NCKAP5: variants seen among roughly 807,000 people sequenced by gnomAD.
NCKAP5 encodes NCK associated protein 5, also known as nck-associated protein 5.
A neutral mutation model predicts 167.0 loss-of-function variants in NCKAP5; 92 were observed. The ratio of observed to expected loss-of-function variants is 0.55; its 90% CI spans 0.47 to 0.66. NCKAP5 has a LOEUF of 0.66. Ranked by LOEUF, NCKAP5 falls within the 30% of genes least tolerant of loss-of-function variation. NCKAP5 has a pLI of 0.00. For synonymous variants in NCKAP5, 891 were observed against 877.4 expected, an observed-to-expected ratio of 1.02 and a Z score of -0.27; for missense variants, 2,378 against 2,315.0, an observed-to-expected ratio of 1.03 and a Z score of -0.56.
chr2:133,019,867 C>T (rs768526618), intron 6 of NCKAP5, among the ~76,000 whole-genome samples: 1 of 152,222 alleles, frequency 6.6e-6, no homozygotes, highest in Non-Finnish European at 1.5e-5. Flanking sequence ...CTGGTTTACC[C>T]TTCCTTAGTG....
At chr2:132,941,036 A>C (rs1464831188) in intron 8 of NCKAP5, among the ~76,000 whole-genome samples, 1 of 152,210 alleles carries the variant, frequency 6.6e-6, no homozygotes, top group Non-Finnish European at 1.5e-5. Context: ...AAGAAAACTA[A>C]AAGTCAAGTT....
intron 16 of NCKAP5, among the ~76,000 whole-genome samples, chr2:132,759,107 G>T (rs1381338311): frequency 6.6e-6 from 1 of 151,258 alleles, no homozygotes; most frequent in Non-Finnish European, 1.5e-5. Context: ...TAAGTGTTCT[G>T]CTACAATTGG....
chr2:132,852,324 T>C (rs1689140211), intron 11 of NCKAP5, among the ~76,000 whole-genome samples: 1 of 152,226 alleles, frequency 6.6e-6, no homozygotes, highest in Non-Finnish European at 1.5e-5. Context: ...AATCACTTAG[T>C]CTACTGCAAT....
intron 6 of NCKAP5, among the ~76,000 whole-genome samples, chr2:133,110,282 G>T (rs759535068): frequency 2.6e-5 from 4 of 152,284 alleles, no homozygotes; most frequent in Admixed American, 6.5e-5. Flanking sequence ...TTGCTTTAAA[G>T]AACTGATCCT....
chr2:133,014,439 C>T (rs1179601683), intron 6 of NCKAP5, among the ~76,000 whole-genome samples: 1 of 152,204 alleles, frequency 6.6e-6, no homozygotes, highest in Non-Finnish European at 1.5e-5. Context: ...TGGATTCCTG[C>T]TGCATTTTAA....
chr2:133,092,695 C>A (rs1296765901), intron 6 of NCKAP5, among the ~76,000 whole-genome samples: 3 of 152,144 alleles, frequency 2.0e-5, no homozygotes, highest in African/African-American at 7.2e-5. Flanking sequence ...TATCTACTGT[C>A]CTTCATTACA....
At chr2:133,454,462 T>A (rs1448821256) in intron 3 of NCKAP5, among the ~76,000 whole-genome samples, 1 of 152,094 alleles carries the variant, frequency 6.6e-6, no homozygotes, top group Non-Finnish European at 1.5e-5. Context: ...TCATATCAAA[T>A]CATGTAATAT....
At chr2:132,829,731 G>A (rs76882035) in intron 11 of NCKAP5, among the ~76,000 whole-genome samples, 11,035 of 152,192 alleles carry the variant, frequency 0.073, 550 homozygotes, top group African/African-American at 0.14. Flanking sequence ...TGAATCAGGA[G>A]GTGTAGGGTG....
intron 3 of NCKAP5, among the ~76,000 whole-genome samples, chr2:133,357,188 T>C (rs963210404): frequency 1.2e-4 from 18 of 151,978 alleles, no homozygotes; most frequent in Non-Finnish European, 1.9e-4. Flanking sequence ...AATTAATGCA[T>C]GCTTGCCCGA....
intron 4 of NCKAP5, among the ~76,000 whole-genome samples, chr2:133,274,919 A>G (rs531856377): frequency 4.9e-4 from 74 of 152,142 alleles, no homozygotes; most frequent in African/African-American, 1.8e-3. Flanking sequence ...GCGGGGAAGT[A>G]TAATGAAGCA....
At chr2:133,333,857 G>A (rs554478410) in intron 3 of NCKAP5, 1 of 152,278 alleles carries the variant, frequency 6.6e-6, no homozygotes, top group African/African-American at 2.4e-5. Context: ...AGTACAAACT[G>A]GAATGCTACA....
intron 3 of NCKAP5, among the ~76,000 whole-genome samples, chr2:133,512,934 A>G (rs1683625184): frequency 6.6e-6 from 1 of 152,054 alleles, no homozygotes; most frequent in African/African-American, 2.4e-5. Flanking sequence ...CTCAGCATCT[A>G]CTACTGTCAG....
At chr2:133,336,121 C>A (rs528250861) in intron 3 of NCKAP5, among the ~76,000 whole-genome samples, 1 of 152,042 alleles carries the variant, frequency 6.6e-6, no homozygotes, top group Admixed American at 6.6e-5. Context: ...ACCGAAATAG[C>A]CATTATTTCT....
At chr2:133,275,426 C>T (rs148942020) in intron 4 of NCKAP5, among the ~76,000 whole-genome samples, 136 of 152,114 alleles carry the variant, frequency 8.9e-4, no homozygotes, top group Non-Finnish European at 1.7e-3. Flanking sequence ...ACATGGAACT[C>T]GCACGAAATC....
At chr2:133,006,884 T>C (rs1292339344) in intron 6 of NCKAP5, among the ~76,000 whole-genome samples, 1 of 152,198 alleles carries the variant, frequency 6.6e-6, no homozygotes, top group Non-Finnish European at 1.5e-5. Flanking sequence ...TACTGGCCCA[T>C]CTAGCCGTAT....
chr2:132,861,305 G>A (rs1328579116), intron 10 of NCKAP5, among the ~76,000 whole-genome samples: 1 of 152,024 alleles, frequency 6.6e-6, no homozygotes, highest in Non-Finnish European at 1.5e-5. Context: ...CTTTTCCCCA[G>A]CTCATGGAGG....
At chr2:133,017,956 C>A (rs2078396937) in intron 6 of NCKAP5, among the ~76,000 whole-genome samples, 1 of 152,154 alleles carries the variant, frequency 6.6e-6, no homozygotes, top group South Asian at 2.1e-4. Context: ...CAAGCAAGGG[C>A]AAGGTGAAGA....
intron 17 of NCKAP5, among the ~76,000 whole-genome samples, chr2:132,729,463 G>A (rs932233526): frequency 2.6e-5 from 4 of 152,192 alleles, no homozygotes; most frequent in South Asian, 2.1e-4. Flanking sequence ...GGATTGGGAA[G>A]CTTTGCTTGG....
chr2:132,802,178 C>T (rs1016973405), intron 11 of NCKAP5, among the ~76,000 whole-genome samples: 5 of 152,168 alleles, frequency 3.3e-5, no homozygotes, highest in Non-Finnish European at 7.4e-5. Context: ...CTGGCTGCTC[C>T]CCGTCTTGGT....
Sources: allele counts gnomAD v4.1 joint callset (sites outside exome capture counted in the v4.1 genomes callset), GRCh38; gene constraint gnomAD v4.1.1; transcripts MANE v1.5; gene names NCBI Gene and HGNC (gene_info 2026-07-23, HGNC 2026-07-21).